The following CBFB variants were observed in gnomAD, a reference collection of about 807,000 sequenced individuals.
The protein encoded by CBFB is CBF-beta.
In CBFB, 9 loss-of-function variants were observed where a neutral mutation model predicts 30.4. The ratio of observed to expected loss-of-function variants is 0.30; its 90% CI spans 0.18 to 0.52. CBFB has a LOEUF of 0.52. Among genes scored for constraint, CBFB ranks in the 20% least tolerant of loss-of-function variants. The pLI, the probability that CBFB is intolerant of heterozygous loss-of-function variation, is 0.97. For synonymous variants in CBFB, 94 were observed against 84.0 expected, an observed-to-expected ratio of 1.12 and a Z score of -0.65; for missense variants, 170 against 244.0, an observed-to-expected ratio of 0.70 and a Z score of 2.02.
chr16:67,043,646 A>G (rs1196670840), intron 3 of CBFB, among the ~76,000 whole-genome samples: 1 of 152,276 alleles, frequency 6.6e-6, no homozygotes, highest in Non-Finnish European at 1.5e-5. Flanking sequence ...CAAGACAGTC[A>G]TAACTATTTT....
intron 4 of CBFB, among the ~76,000 whole-genome samples, chr16:67,080,733 T>C (rs1006990182): frequency 6.6e-6 from 1 of 152,230 alleles, no homozygotes; most frequent in Admixed American, 6.5e-5. Flanking sequence ...GCTGTTCATC[T>C]TCATTTATAT....
Position 67,100,696 on chromosome 16 carries a change from G to C in CBFB, c.*1918G>C. 4.6e-6 allele frequency: 1 copy of C among 218,176 alleles called. No individual in the cohort carries two copies. Among genetic ancestry groups the C allele is most frequent in the Non-Finnish European group, 9.2e-6 (1 of 108,454 alleles). The allele number at this position is 218,176 out of a possible 1,614,324, so 13.5% of individuals were successfully genotyped here. On this transcript the variant is annotated 3_prime_UTR_variant, in exon 6 of 6. Transcript: ENST00000412916. ...CTCTATTGTCTAGCTAAGGGCTTTC[G>C]GTCCACCAGTAAATAAGATCAAATG...
chr16:67,044,245 A>G (rs1200135888), intron 3 of CBFB, among the ~76,000 whole-genome samples: 1 of 152,160 alleles, frequency 6.6e-6, no homozygotes, highest in Non-Finnish European at 1.5e-5. Flanking sequence ...CCAGTTTATG[A>G]CTTTAAAGAT....
At chr16:67,067,411 G>T (rs1019909223) in intron 4 of CBFB, among the ~76,000 whole-genome samples, 2 of 152,122 alleles carry the variant, frequency 1.3e-5, no homozygotes, top group Non-Finnish European at 2.9e-5. Context: ...CCAGCTACTT[G>T]GGAAGTTGAG....
intron 5 of CBFB, among the ~76,000 whole-genome samples, chr16:67,094,668 T>TAG (rs1961988971): frequency 6.6e-6 from 1 of 152,244 alleles, no homozygotes; most frequent in African/African-American, 2.4e-5. Context: ...GGCCCCTTTC[T>TAG]AACCTTCATT....
chr16:67,082,366 G>T (rs1472939638), intron 5 of CBFB, 58 bp downstream of exon 5: 4 of 1,594,446 alleles, frequency 2.5e-6, no homozygotes, highest in Non-Finnish European at 3.4e-6. Context: ...AAACTCTCAG[G>T]CTGTGTTTGT....
chr16:67,046,442 ATGT>A (rs1409697175), intron 3 of CBFB, among the ~76,000 whole-genome samples: 8 of 152,068 alleles, frequency 5.3e-5, no homozygotes, highest in Non-Finnish European at 7.4e-5. Flanking sequence ...GACTATTGAA[ATGT>A]TGTTGTCTGA....
At chr16:67,084,979 T>G (rs932037567) in intron 5 of CBFB, among the ~76,000 whole-genome samples, 6 of 152,244 alleles carry the variant, frequency 3.9e-5, no homozygotes, top group African/African-American at 1.2e-4. Context: ...TAAATACATG[T>G]GAAACCACTT....
chr16:67,050,416 C>T (rs1966719275), intron 3 of CBFB, among the ~76,000 whole-genome samples: 1 of 151,288 alleles, frequency 6.6e-6, no homozygotes, highest in South Asian at 2.1e-4. Flanking sequence ...CTGTTTTTTT[C>T]CTATACAGAT....
intron 4 of CBFB, among the ~76,000 whole-genome samples, chr16:67,080,864 A>G (rs966385659): frequency 2.6e-5 from 4 of 152,344 alleles, no homozygotes; most frequent in African/African-American, 9.6e-5. Flanking sequence ...TTAAGTAGGT[A>G]AAGAAAACGG....
chr16:67,035,925 T>C (rs1966433823), intron 2 of CBFB, among the ~76,000 whole-genome samples: 1 of 152,200 alleles, frequency 6.6e-6, no homozygotes, highest in Admixed American at 6.5e-5. Context: ...TGACACTTTA[T>C]TGAAGTGGTT....
intron 3 of CBFB, among the ~76,000 whole-genome samples, chr16:67,051,715 A>C (rs1313352939): frequency 6.6e-6 from 1 of 151,462 alleles, no homozygotes; most frequent in Non-Finnish European, 1.5e-5. Context: ...TTTCAAGTCT[A>C]CGTTAAATGT....
At chr16:67,073,332 T>A (rs909949381) in intron 4 of CBFB, among the ~76,000 whole-genome samples, 8 of 152,222 alleles carry the variant, frequency 5.3e-5, no homozygotes, top group Non-Finnish European at 7.4e-5. Flanking sequence ...TGTCTCTATT[T>A]ATGATTCTGT....
intron 3 of CBFB, among the ~76,000 whole-genome samples, chr16:67,046,789 G>A (rs982165951): frequency 1.3e-5 from 2 of 152,162 alleles, no homozygotes; most frequent in African/African-American, 2.4e-5. Context: ...ACCTTCAGGT[G>A]CAGAGACTTT....
rs1349980385 is a variant in CBFB, at chr16:67,099,851, A to G, written c.*1073A>G. Reference sequence around the variant, plus strand: ...AGATAGCTGCTTTTATGTGTATTTTATATTGCATGCTTTTGTAAAAACATG... The same window carrying G: ...AGATAGCTGCTTTTATGTGTATTTTGTATTGCATGCTTTTGTAAAAACATG... On this transcript the variant is annotated 3_prime_UTR_variant, in exon 6 of 6. Coordinates refer to ENST00000412916, the MANE Select transcript of CBFB (RefSeq NM_022845.3). 1.4e-5 allele frequency: 3 copies of G among 212,380 alleles called. No individual in the cohort carries two copies. The highest frequency in any genetic ancestry group is 6.8e-5 in the African/African-American group (3 of 44,148). The allele number at this position is 212,380 out of a possible 1,614,324, so 13.2% of individuals were successfully genotyped here.
intron 2 of CBFB, among the ~76,000 whole-genome samples, chr16:67,035,073 G>T (rs761526765): frequency 2.0e-4 from 30 of 151,824 alleles, no homozygotes; most frequent in African/African-American, 6.0e-4. Flanking sequence ...TAGTACATGG[G>T]AAGTTTTTTT....
In CBFB at chr16:67,036,661, A is replaced by T. The variant is rs771119364; in HGVS notation, c.188A>T (p.Asn63Ile). Residue 63 changes from asparagine to isoleucine, a missense_variant, in exon 3 of 6, where the codon AAT (asparagine) becomes ATT (isoleucine). Physicochemically the swap from Asn to Ile is moderately radical, Grantham distance 149. Transcript: ENST00000412916. The stretch of plus-strand genomic sequence containing the variant: ...AAGGCTTTTGTGGCCACAGGAACCA[A>T]TCTGTCTCTCCAGTTTTTTCCGGCC... Reference protein sequence around the residue: ...SEIAFVATGTNLSLQFFPASW... With the variant: ...SEIAFVATGTILSLQFFPASW... 1 of 1,613,310 alleles carries T rather than the reference A, an allele frequency of 6.2e-7. No homozygotes were observed. Among genetic ancestry groups the T allele is most frequent in the South Asian group, 1.1e-5 (1 of 91,080 alleles).
chr16:67,034,371 G>A (rs1966407499), intron 2 of CBFB, among the ~76,000 whole-genome samples: 7 of 152,052 alleles, frequency 4.6e-5, no homozygotes, highest in South Asian at 2.1e-4. Flanking sequence ...AAATATAGGC[G>A]TCATACTAGT....
At chr16:67,050,783 A>G (rs1411262635) in intron 3 of CBFB, among the ~76,000 whole-genome samples, 1 of 152,106 alleles carries the variant, frequency 6.6e-6, no homozygotes, top group East Asian at 1.9e-4. Context: ...ATAGAGCAAA[A>G]CCCTGTCTCC....
Sources: gnomAD v4.1 joint callset for allele counts (sites outside exome capture counted in the v4.1 genomes callset) on GRCh38, gnomAD v4.1.1 for gene constraint, MANE v1.5 for transcripts, NCBI Gene and HGNC (gene_info 2026-07-23, HGNC 2026-07-21) for gene names.